The following RGS7BP variants were observed in gnomAD, a reference collection of about 807,000 sequenced individuals.
The protein encoded by RGS7BP is regulator of G protein signaling 7 binding protein.
A neutral mutation model predicts 31.3 loss-of-function variants in RGS7BP; 9 were observed. That is an observed-to-expected ratio of 0.29 (90% CI 0.17 to 0.50). The LOEUF (loss-of-function observed/expected upper bound fraction) is 0.50. Ranked by LOEUF, RGS7BP falls within the 20% of genes least tolerant of loss-of-function variation. RGS7BP has a pLI of 0.98. For synonymous variants in RGS7BP, 115 were observed against 120.1 expected, an observed-to-expected ratio of 0.96 and a Z score of 0.28; for missense variants, 274 against 322.0, an observed-to-expected ratio of 0.85 and a Z score of 1.14.
chr5:64,584,436 G>A (rs1026053027), intron 3 of RGS7BP, among the ~76,000 whole-genome samples: 12 of 152,198 alleles, frequency 7.9e-5, no homozygotes, highest in South Asian at 2.1e-4. Context: ...AGGCATAGGA[G>A]TTAGCCCTGA....
chr5:64,546,482 A>G lies in RGS7BP; in HGVS notation c.333-29292A>G, dbSNP rs191790357. Among the ~76,000 whole-genome samples the G allele has an allele frequency of 2.4e-4, 37 of 152,302 alleles. 1 individual carries two copies. In the East Asian group the frequency reaches 3.3e-3, roughly 14 times the overall value. On this transcript the variant is annotated intron_variant, in intron 2 of 5. Transcript: ENST00000334025. ...CTCCCAACAGGTGATAAAATAGCCG[A>G]AAACAGTCCCTTACATTTAATAGCA... is the stretch of plus-strand genomic sequence containing the variant.
intron 2 of RGS7BP, among the ~76,000 whole-genome samples, chr5:64,544,377 T>C (rs1741596227): frequency 6.6e-6 from 1 of 152,002 alleles, no homozygotes; most frequent in Non-Finnish European, 1.5e-5. Context: ...AAGATGAGAC[T>C]TGAAGATGTA....
chr5:64,538,463 G>A (rs1741428734), intron 2 of RGS7BP, among the ~76,000 whole-genome samples: 2 of 137,328 alleles, frequency 1.5e-5, no homozygotes, highest in African/African-American at 5.5e-5. Context: ...TATCATCTAA[G>A]CTAAATCAGA....
At chr5:64,553,282 C>G (rs369687689) in intron 2 of RGS7BP, among the ~76,000 whole-genome samples, 4 of 148,882 alleles carry the variant, frequency 2.7e-5, no homozygotes, top group East Asian at 4.0e-4. Context: ...AAACAATTCT[C>G]CTGCCTCAGC....
rs1748680110 is a variant in RGS7BP at position 64,506,456 on chromosome 5, C to A, written c.-169C>A. 4.1e-6 allele frequency: 2 copies of A among 489,166 alleles called. No individual in the cohort carries two copies. Among genetic ancestry groups the A allele is most frequent in the East Asian group, 6.4e-5 (2 of 31,478 alleles). 30.3% of individuals were successfully genotyped at this position (489,166 alleles called of 1,614,324 possible). A position where few individuals can be genotyped will look rare whatever the true frequency, so the allele number is the denominator to read the frequency against. ...CACGGCACAGCTAGCGCTTCCCCGG[C>A]TCTCCTTCAAGCTGAAGGTTACCGA... On this transcript the variant is annotated 5_prime_UTR_variant, in exon 1 of 6. Coordinates refer to ENST00000334025, the MANE Select transcript of RGS7BP (RefSeq NM_001029875.3). The surrounding 1 kb of genome is among the most constrained non-coding windows in gnomAD (Gnocchi z 4.6).
intron 2 of RGS7BP, among the ~76,000 whole-genome samples, chr5:64,566,135 G>A (rs1742163523): frequency 2.0e-5 from 3 of 151,650 alleles, no homozygotes; most frequent in Admixed American, 2.0e-4. Context: ...TGGGTCTCTG[G>A]CACATAGTAG....
chr5:64,565,764 A>T (rs1302473094), intron 2 of RGS7BP, among the ~76,000 whole-genome samples: 1 of 152,156 alleles, frequency 6.6e-6, no homozygotes, highest in Non-Finnish European at 1.5e-5. Context: ...CAGTCCAGTG[A>T]AGAAACTCAT....
chr5:64,553,922 C>T (rs1217393235), intron 2 of RGS7BP, among the ~76,000 whole-genome samples: 2 of 152,162 alleles, frequency 1.3e-5, no homozygotes, highest in African/African-American at 4.8e-5. Flanking sequence ...GCAGCATGGT[C>T]TGATACTATG....
intron 2 of RGS7BP, among the ~76,000 whole-genome samples, chr5:64,567,580 T>G (rs1468149351): frequency 1.3e-5 from 2 of 152,134 alleles, no homozygotes; most frequent in Non-Finnish European, 2.9e-5. Flanking sequence ...TTCTCAAGTT[T>G]CAGACATCGG....
At chr5:64,607,502 C>A (rs1315506664) in intron 5 of RGS7BP, among the ~76,000 whole-genome samples, 2 of 151,950 alleles carry the variant, frequency 1.3e-5, no homozygotes, top group African/African-American at 4.8e-5. Flanking sequence ...TAGGCAGATT[C>A]AAAGATTTTC....
At position 64,506,781 on chromosome 5, in the gene RGS7BP, T is replaced by C. The variant is rs1208366538; in HGVS notation, c.157T>C (p.Cys53Arg). Residue 53 changes from cysteine to arginine, a missense_variant, in exon 1 of 6, where the codon TGC (cysteine) becomes CGC (arginine). Physicochemically the swap from Cys to Arg is radical, Grantham distance 180. This residue lies in a region of RGS7BP where 149 missense variants were observed against 152.6 expected (regional missense o/e 0.98). Coordinates refer to ENST00000334025, the MANE Select transcript of RGS7BP (RefSeq NM_001029875.3). This position sits in a 1 kb window ranked among gnomAD's most constrained non-coding sequence, Gnocchi z 4.6. ...CAAAACCCAACGAGCCCTGGACGAC[T>C]GCAAGATGGTGGGTGAAAACTGCGC... ...AHKTQRALDD[C>R]KMLVQEFNTQ... is the part of the protein sequence containing the mutation. The C allele has an allele frequency of 1.3e-6, 2 of 1,546,676 alleles. No homozygotes were observed. Among genetic ancestry groups the C allele is most frequent in the South Asian group, 1.2e-5 (1 of 84,034 alleles).
At chr5:64,558,115 G>T (rs1254293418) in intron 2 of RGS7BP, among the ~76,000 whole-genome samples, 2 of 152,036 alleles carry the variant, frequency 1.3e-5, no homozygotes, top group African/African-American at 4.8e-5. Flanking sequence ...TGTGGGCCTG[G>T]AGCCTCCCAT....
chr5:64,566,957 C>T (rs1369664612), intron 2 of RGS7BP, among the ~76,000 whole-genome samples: 1 of 150,594 alleles, frequency 6.6e-6, no homozygotes, highest in East Asian at 2.0e-4. Context: ...GATAAACTGT[C>T]TCAAGCAAAG....
At chr5:64,544,902 C>A (rs866297035) in intron 2 of RGS7BP, among the ~76,000 whole-genome samples, 1 of 152,026 alleles carries the variant, frequency 6.6e-6, no homozygotes, top group African/African-American at 2.4e-5. Flanking sequence ...TTTGGCCGGG[C>A]GTGGTGGCTC....
At chr5:64,545,345 A>G (rs1437416223) in intron 2 of RGS7BP, among the ~76,000 whole-genome samples, 2 of 152,104 alleles carry the variant, frequency 1.3e-5, no homozygotes, top group Non-Finnish European at 2.9e-5. Flanking sequence ...GCACACCAAC[A>G]TGGCACATGT....
intron 2 of RGS7BP, among the ~76,000 whole-genome samples, chr5:64,546,923 T>C (rs1032024132): frequency 1.3e-5 from 2 of 152,162 alleles, no homozygotes; most frequent in Non-Finnish European, 2.9e-5. Context: ...CTCATGCCCC[T>C]TCTCATCAAC....
At chr5:64,565,493 A>T (rs1292708683) in intron 2 of RGS7BP, among the ~76,000 whole-genome samples, 1 of 151,962 alleles carries the variant, frequency 6.6e-6, no homozygotes, top group Admixed American at 6.6e-5. Flanking sequence ...TATACGTATT[A>T]TTTTTTATAA....
At chr5:64,519,689 C>A (rs1749061753) in intron 2 of RGS7BP, among the ~76,000 whole-genome samples, 1 of 152,208 alleles carries the variant, frequency 6.6e-6, no homozygotes, top group Non-Finnish European at 1.5e-5. Flanking sequence ...TAAGAGCCAA[C>A]TATGTGCTGT....
At chr5:64,568,492 T>C (rs1271597524) in intron 2 of RGS7BP, among the ~76,000 whole-genome samples, 3 of 152,172 alleles carry the variant, frequency 2.0e-5, no homozygotes, top group Non-Finnish European at 4.4e-5. Flanking sequence ...CTTGTACATA[T>C]TAGTTTTCTC....
Sources: gnomAD v4.1 joint callset for allele counts (sites outside exome capture counted in the v4.1 genomes callset) on GRCh38, gnomAD v4.1.1 for gene constraint, gnomAD v4.1.1 regional missense constraint, Gnocchi (gnomAD v3.1) non-coding constraint, MANE v1.5 for transcripts, NCBI Gene and HGNC (gene_info 2026-07-23, HGNC 2026-07-21) for gene names.